Variants in ROBO1 observed in about 807,000 individuals in gnomAD.
ROBO1 encodes the protein roundabout homolog 1.
ROBO1 carries 149 observed loss-of-function variants against 195.9 expected under a neutral mutation model. The ratio of observed to expected loss-of-function variants is 0.76; its 90% confidence interval spans 0.67 to 0.87. The LOEUF (loss-of-function observed/expected upper bound fraction) is 0.87. Ranked by LOEUF, ROBO1 falls within the 40% of genes least tolerant of loss-of-function variation. The pLI is 0.00. For missense variants in ROBO1, 1,933 were observed against 2,068.3 expected, an observed-to-expected ratio of 0.93 and a Z score of 1.27; for synonymous variants, 816 against 733.2, an observed-to-expected ratio of 1.11 and a Z score of -1.82.
intron 4 of ROBO1, among the ~76,000 whole-genome samples, chr3:78,778,172 C>T (rs959850017): frequency 1.3e-5 from 2 of 152,108 alleles, no homozygotes; most frequent in African/African-American, 4.8e-5. Context: ...CCTTGCATCC[C>T]AGGGATGAAG....
chr3:79,586,874 G>A (rs1173287147), intron 2 of ROBO1, among the ~76,000 whole-genome samples: 1 of 151,760 alleles, frequency 6.6e-6, no homozygotes, highest in Non-Finnish European at 1.5e-5. Context: ...CATGCCTCAA[G>A]AGATAACCTC....
At chr3:79,399,858 TA>T (rs564216613) in intron 2 of ROBO1, among the ~76,000 whole-genome samples, 2 of 152,286 alleles carry the variant, frequency 1.3e-5, no homozygotes, top group Non-Finnish European at 2.9e-5. Flanking sequence ...AGATTGTTCT[TA>T]ATTCTTAAAA....
At chr3:79,110,732 C>T (rs2079870985) in intron 3 of ROBO1, among the ~76,000 whole-genome samples, 1 of 150,928 alleles carries the variant, frequency 6.6e-6, no homozygotes. Context: ...AAGCAATCCT[C>T]TCACTGCAGC....
chr3:79,394,574 T>C (rs930091856), intron 2 of ROBO1, among the ~76,000 whole-genome samples: 1 of 152,012 alleles, frequency 6.6e-6, no homozygotes, highest in Admixed American at 6.6e-5. Context: ...CAGTAATTTT[T>C]GAAAATATGG....
At chr3:79,170,105 A>T (rs961253712) in intron 2 of ROBO1, among the ~76,000 whole-genome samples, 4 of 152,132 alleles carry the variant, frequency 2.6e-5, no homozygotes, top group Non-Finnish European at 5.9e-5. Flanking sequence ...AGCTATCTGC[A>T]TATCCTAGTG....
At chr3:79,322,913 A>G (rs1170524858) in intron 2 of ROBO1, among the ~76,000 whole-genome samples, 1 of 152,216 alleles carries the variant, frequency 6.6e-6, no homozygotes. Context: ...AATTTGCATC[A>G]ATTTGTTAAT....
chr3:78,750,745 A>G lies in ROBO1; in HGVS notation c.500-3845T>C, dbSNP rs548073140. Among the ~76,000 whole-genome samples, 10 of 152,266 alleles carry G rather than the reference A, an allele frequency of 6.6e-5. No individual in the cohort carries two copies. In the South Asian group the frequency reaches 2.1e-3, roughly 32 times the overall value. ...TAATATGGAGACTTTACTACTTGCAAAACAGTCTTTAAGTGCATTGAGGAA... is the reference window on the plus strand; with the variant it reads ...TAATATGGAGACTTTACTACTTGCAGAACAGTCTTTAAGTGCATTGAGGAA... On this transcript the variant is annotated intron_variant, in intron 4 of 30. Coordinates refer to ENST00000464233, the MANE Select transcript of ROBO1 (RefSeq NM_002941.4).
chr3:78,964,198 A>G (rs1177387687), intron 3 of ROBO1, among the ~76,000 whole-genome samples: 2 of 152,130 alleles, frequency 1.3e-5, no homozygotes, highest in Non-Finnish European at 2.9e-5. Context: ...ACACAGCCAT[A>G]TTGGATTAGG....
intron 4 of ROBO1, among the ~76,000 whole-genome samples, chr3:78,800,625 C>A (rs1479002279): frequency 2.0e-5 from 3 of 152,096 alleles, no homozygotes; most frequent in Non-Finnish European, 4.4e-5. Flanking sequence ...GGCACAATCT[C>A]GGCTCACTGC....
At chr3:79,034,685 A>T (rs2078353123) in intron 3 of ROBO1, among the ~76,000 whole-genome samples, 1 of 152,278 alleles carries the variant, frequency 6.6e-6, no homozygotes, top group East Asian at 1.9e-4. Context: ...AAAAATAATA[A>T]CTGGGAGCTA....
chr3:79,570,431 A>T (rs1056808462), intron 2 of ROBO1, among the ~76,000 whole-genome samples: 1 of 152,214 alleles, frequency 6.6e-6, no homozygotes, highest in Non-Finnish European at 1.5e-5. Context: ...TCAAATATTG[A>T]TTGTCATAAC....
At chr3:79,020,395 T>C (rs2078074259) in intron 3 of ROBO1, among the ~76,000 whole-genome samples, 2 of 152,124 alleles carry the variant, frequency 1.3e-5, no homozygotes, top group Non-Finnish European at 2.9e-5. Flanking sequence ...TTCTTTCTTT[T>C]AAATAGGACA....
chr3:79,601,570 G>A (rs866735594), intron 1 of ROBO1, among the ~76,000 whole-genome samples: 1 of 151,866 alleles, frequency 6.6e-6, no homozygotes, highest in Non-Finnish European at 1.5e-5. Context: ...GAAAACAGTA[G>A]TACGAACACA....
chr3:79,064,900 A>G (rs1012851223), intron 3 of ROBO1, among the ~76,000 whole-genome samples: 1 of 151,998 alleles, frequency 6.6e-6, no homozygotes, highest in Non-Finnish European at 1.5e-5. Context: ...GAGTAAAAGC[A>G]TGAAGACAGT....
intron 4 of ROBO1, among the ~76,000 whole-genome samples, chr3:78,907,440 G>A (rs1036856200): frequency 3.3e-5 from 5 of 152,184 alleles, no homozygotes; most frequent in African/African-American, 1.2e-4. Flanking sequence ...AATTAGAAAA[G>A]AGCCCCTCCT....
chr3:78,811,814 TTCTC>T (rs766440376), intron 4 of ROBO1, among the ~76,000 whole-genome samples: 2 of 152,138 alleles, frequency 1.3e-5, no homozygotes, highest in South Asian at 4.1e-4. Context: ...CATCTATAAG[TTCTC>T]TCTATCTCGT....
rs115834068 is a variant in ROBO1 at position 79,610,122 on chromosome 3, T to C, written c.-50-20161A>G. Among the ~76,000 whole-genome samples, 1,151 of 152,074 alleles carry C rather than the reference T, an allele frequency of 7.6e-3. 16 individuals carry two copies. The highest frequency in any genetic ancestry group is 0.024 in the African/African-American group (1,010 of 41,558). ...AATAATATATTGTTAATTTAGGTCA[T>C]TAGAAAACTTCTGATCATCAATACA... is the stretch of plus-strand genomic sequence containing the variant. On this transcript the variant is annotated intron_variant, in intron 1 of 30. Transcript: ENST00000464233.
chr3:78,684,626 G>C (rs2081010268), intron 10 of ROBO1, among the ~76,000 whole-genome samples: 1 of 152,108 alleles, frequency 6.6e-6, no homozygotes, highest in Admixed American at 6.6e-5. Flanking sequence ...GATGGAATTA[G>C]TAGGCTGTTA....
intron 2 of ROBO1, among the ~76,000 whole-genome samples, chr3:79,461,728 G>A (rs535630733): frequency 6.6e-6 from 1 of 152,222 alleles, no homozygotes; most frequent in East Asian, 1.9e-4. Flanking sequence ...AGAAAACAGA[G>A]GATCTTAGAA....
Sources: allele counts gnomAD v4.1 joint callset (sites outside exome capture counted in the v4.1 genomes callset), GRCh38; gene constraint gnomAD v4.1.1; transcripts MANE v1.5; gene names NCBI Gene and HGNC (gene_info 2026-07-23, HGNC 2026-07-21).